NWD2: variants seen among roughly 807,000 people sequenced by gnomAD.
NWD2 encodes NACHT and WD repeat domain-containing protein 2.
NWD2 carries 37 observed loss-of-function variants against 132.7 expected under a neutral mutation model. The observed-to-expected ratio is 0.28, with a 90% CI of 0.21 to 0.37. The LOEUF (loss-of-function observed/expected upper bound fraction) is 0.37. NWD2 is among the 10% of genes least tolerant of loss of function. The probability of loss-of-function intolerance (pLI) is 1.00; values close to 1 mark genes in which losing one functional copy is unlikely to be tolerated. For synonymous variants in NWD2, 705 were observed against 803.0 expected (o/e 0.88, Z 2.06); for missense variants, 1,592 against 2,122.4 (o/e 0.75, Z 4.91).
intron 4 of NWD2, among the ~76,000 whole-genome samples, chr4:37,433,558 G>A (rs762151146): frequency 1.2e-4 from 18 of 151,914 alleles, no homozygotes; most frequent in Non-Finnish European, 1.6e-4. Context: ...CTTTCTCTCC[G>A]CTTTGGAGGA....
Position 37,444,399 on chromosome 4 carries a change from C to T in NWD2, c.2411C>T (p.Ala804Val). The T allele has an allele frequency of 6.4e-7, 1 of 1,552,180 alleles. No homozygotes were observed. The highest frequency in any genetic ancestry group is 8.7e-7 in the Non-Finnish European group (1 of 1,147,120). Reference sequence around the variant, plus strand: ...GAAGAAAAGCACTTCATGGAACAGGCTTCCTTTGACAGGCAGGCTCCAGAC... The same window carrying T: ...GAAGAAAAGCACTTCATGGAACAGGTTTCCTTTGACAGGCAGGCTCCAGAC... ...LEEEKHFMEQ[A>V]SFDRQAPDQP... Residue 804 changes from alanine to valine, a missense_variant, in exon 7 of 7, where the codon GCT (alanine) becomes GTT (valine). Ala to Val is a moderately conservative substitution (Grantham distance 64, BLOSUM62 0). Coordinates refer to ENST00000309447, the MANE Select transcript of NWD2 (RefSeq NM_001144990.2). The surrounding 1 kb of genome is among the most constrained non-coding windows in gnomAD (Gnocchi z 4.8).
rs1211756707 is a variant in NWD2 at position 37,445,776 on chromosome 4, C to T, written c.3788C>T (p.Thr1263Ile). The T allele has an allele frequency of 6.4e-7, 1 of 1,551,792 alleles. No homozygotes were observed. Among genetic ancestry groups the T allele is most frequent in the Non-Finnish European group, 8.7e-7 (1 of 1,147,004 alleles). ...GCTGTGTTTTTTTGGAGGCGGGACA[C>T]AGGACAGTGTATGGCAAGCTTGCAG... ...TSAVFFWRRD[T>I]GQCMASLQEI... Residue 1263 changes from threonine to isoleucine, a missense_variant, in exon 7 of 7, where the codon ACA (threonine) becomes ATA (isoleucine). Transcript: ENST00000309447. The surrounding 1 kb of genome is among the most constrained non-coding windows in gnomAD (Gnocchi z 4.7).
At chr4:37,386,398 C>T (rs1162889894) in intron 3 of NWD2, among the ~76,000 whole-genome samples, 4 of 152,092 alleles carry the variant, frequency 2.6e-5, no homozygotes, top group African/African-American at 7.2e-5. Context: ...TTTCTGGCAT[C>T]CTTTTTCTAC....
chr4:37,388,528 T>C (rs1439132289), intron 3 of NWD2, among the ~76,000 whole-genome samples: 2 of 151,952 alleles, frequency 1.3e-5, no homozygotes, highest in Non-Finnish European at 2.9e-5. Flanking sequence ...GAATTTTGGA[T>C]ACTGACTTCT....
In NWD2 at chr4:37,447,167, G is replaced by A; in HGVS notation, c.5179G>A (p.Val1727Ile). The A allele has an allele frequency of 1.3e-6, 2 of 1,551,312 alleles. No homozygotes were observed. The highest frequency in any genetic ancestry group is 1.4e-5 in the African/African-American group (1 of 73,176). ...SKKHNSCYER[V>I]CSALEARGHS... ...GAAACACAACTCTTGTTATGAGCGGGTATGCTCGGCCCTAGAAGCCAGGGG... is the reference window on the plus strand; with the variant it reads ...GAAACACAACTCTTGTTATGAGCGGATATGCTCGGCCCTAGAAGCCAGGGG... Residue 1727 changes from valine (V) to isoleucine (I), a missense_variant, in exon 7 of 7, where the codon GTA (valine) becomes ATA (isoleucine). Transcript: ENST00000309447.
intron 2 of NWD2, among the ~76,000 whole-genome samples, chr4:37,351,010 T>C (rs1207178648): frequency 6.6e-6 from 1 of 152,278 alleles, no homozygotes; most frequent in East Asian, 1.9e-4. Flanking sequence ...TGAACCAGCC[T>C]TGCATCCCAG....
At position 37,354,168 on chromosome 4, in the gene NWD2, C is replaced by T. The variant is rs570745893; in HGVS notation, c.241-2198C>T. Among the ~76,000 whole-genome samples the T allele has an allele frequency of 3.5e-4, 54 of 152,272 alleles. No individual in the cohort carries two copies. The South Asian group carries it at 7.9e-3, about 22-fold the overall frequency. On this transcript the variant is annotated intron_variant, in intron 2 of 6. Coordinates refer to ENST00000309447, the MANE Select transcript of NWD2 (RefSeq NM_001144990.2). ...ACTCTGTTTGCCTGGGTGTCACCAG[C>T]GGAGGCTGCAGAACAGCAAAGATTG...
At chr4:37,367,681 G>C (rs1720129944) in intron 3 of NWD2, among the ~76,000 whole-genome samples, 1 of 152,152 alleles carries the variant, frequency 6.6e-6, no homozygotes, top group South Asian at 2.1e-4. Context: ...GAAACCCAAA[G>C]AAGTGAAGGG....
intron 1 of NWD2, among the ~76,000 whole-genome samples, chr4:37,325,410 A>C (rs776591008): frequency 1.2e-4 from 18 of 152,158 alleles, no homozygotes; most frequent in Non-Finnish European, 2.5e-4. Context: ...CTGCTATGAT[A>C]GGTTTTCATG....
At chr4:37,366,566 T>C (rs1462782788) in intron 3 of NWD2, among the ~76,000 whole-genome samples, 1 of 152,152 alleles carries the variant, frequency 6.6e-6, no homozygotes, top group Non-Finnish European at 1.5e-5. Flanking sequence ...AATCTTCCTA[T>C]TAAATACAGG....
chr4:37,276,485 C>T (rs994121988), intron 1 of NWD2, among the ~76,000 whole-genome samples: 17 of 152,184 alleles, frequency 1.1e-4, no homozygotes, highest in Non-Finnish European at 2.5e-4. Flanking sequence ...CACTTTTACA[C>T]TGTTGGTGGG....
intron 3 of NWD2, among the ~76,000 whole-genome samples, chr4:37,369,266 GTT>G (rs112891010): frequency 0.023 from 3,454 of 152,188 alleles, 115 homozygotes; most frequent in African/African-American, 0.069. Flanking sequence ...CTTACAATCT[GTT>G]TGAGGTTTTT....
At chr4:37,254,692 T>C (rs955566870) in intron 1 of NWD2, among the ~76,000 whole-genome samples, 4 of 152,126 alleles carry the variant, frequency 2.6e-5, no homozygotes, top group African/African-American at 9.7e-5. Flanking sequence ...TGTTGGTTAA[T>C]GTATAATTAG....
In NWD2 at chr4:37,244,935, G is replaced by A; in HGVS notation, c.-133G>A. On this transcript the variant is annotated 5_prime_UTR_variant, in exon 1 of 7. Transcript: ENST00000309447. The surrounding 1 kb of genome is among the most constrained non-coding windows in gnomAD (Gnocchi z 5.5). ...CCACGGAGCTCGCCAAAGGCGCTTC[G>A]GGCTCGGAGCGGCTCTGAGCCGCGC... 1 of 1,219,622 alleles carries A rather than the reference G, an allele frequency of 8.2e-7. No homozygotes were observed. Among genetic ancestry groups the A allele is most frequent in the Non-Finnish European group, 1.1e-6 (1 of 905,310 alleles). The allele number at this position is 1,219,622 out of a possible 1,614,324, so 75.6% of individuals were successfully genotyped here.
intron 1 of NWD2, among the ~76,000 whole-genome samples, chr4:37,261,735 A>G (rs1379190050): frequency 1.3e-5 from 2 of 152,242 alleles, no homozygotes; most frequent in Admixed American, 6.5e-5. Flanking sequence ...AAATATTTGT[A>G]AAGTTTGTGG....
chr4:37,257,860 T>A (rs1486565982), intron 1 of NWD2, among the ~76,000 whole-genome samples: 1 of 152,228 alleles, frequency 6.6e-6, no homozygotes, highest in East Asian at 1.9e-4. Context: ...AAAAGCTACC[T>A]ACCAAAAAGG....
rs570983964 is a variant in NWD2 at position 37,355,989 on chromosome 4, A to G, written c.241-377A>G. On this transcript the variant is annotated intron_variant, in intron 2 of 6. Coordinates refer to ENST00000309447, the MANE Select transcript of NWD2 (RefSeq NM_001144990.2). ...GGTTTCTTTTCTCAAATTAATACTT[A>G]TGGTAACATTATATACATTTGGTGA... Among the ~76,000 whole-genome samples, 8 of 152,194 alleles carry G rather than the reference A, an allele frequency of 5.3e-5. 1 individual carries two copies. Among genetic ancestry groups the G allele is most frequent in the Middle Eastern group, 3.4e-3 (1 of 294 alleles).
chr4:37,281,912 A>G (rs1718137830), intron 1 of NWD2, among the ~76,000 whole-genome samples: 2 of 152,206 alleles, frequency 1.3e-5, no homozygotes, highest in African/African-American at 4.8e-5. Context: ...TAGTATCTAA[A>G]TTGAGAAAGT....
chr4:37,412,071 G>A (rs1049708598), intron 3 of NWD2, among the ~76,000 whole-genome samples: 29 of 152,244 alleles, frequency 1.9e-4, no homozygotes, highest in Non-Finnish European at 3.2e-4. Flanking sequence ...TTGAAAATGG[G>A]CACAAGACAA....
Sources: allele counts gnomAD v4.1 joint callset (sites outside exome capture counted in the v4.1 genomes callset), GRCh38; gene constraint gnomAD v4.1.1; non-coding constraint Gnocchi (gnomAD v3.1); transcripts MANE v1.5; gene names NCBI Gene and HGNC (gene_info 2026-07-23, HGNC 2026-07-21).